The following OSBP2 variants were observed in gnomAD, a reference collection of about 807,000 sequenced individuals.
OSBP2 encodes the protein oxysterol binding protein 2.
Under a neutral mutation model 96.0 loss-of-function variants are expected in OSBP2, and 66 were observed. The ratio of observed to expected loss-of-function variants is 0.69; its 90% CI spans 0.56 to 0.84. The LOEUF (loss-of-function observed/expected upper bound fraction) is 0.84, where lower values mean the gene tolerates loss of function less well. Ranked by LOEUF, OSBP2 falls within the 40% of genes least tolerant of loss-of-function variation. The pLI is 0.00. For missense variants in OSBP2, 1,038 were observed against 1,222.7 expected (o/e 0.85, Z 2.25); for synonymous variants, 525 against 520.9 (o/e 1.01, Z -0.11).
At chr22:30,824,335 G>C (rs1013308486) in intron 2 of OSBP2, among the ~76,000 whole-genome samples, 3 of 152,194 alleles carry the variant, frequency 2.0e-5, no homozygotes, top group African/African-American at 7.2e-5. Flanking sequence ...ACCGGAGGGA[G>C]GAGGCCCAGC....
intron 8 of OSBP2, among the ~76,000 whole-genome samples, chr22:30,892,028 A>C (rs1602427201): frequency 6.6e-6 from 1 of 151,520 alleles, no homozygotes; most frequent in East Asian, 2.0e-4. Flanking sequence ...AGGGCGGTGC[A>C]CCCCGGGTGG....
chr22:30,851,872 A>G (rs985680704), intron 2 of OSBP2, among the ~76,000 whole-genome samples: 3 of 152,068 alleles, frequency 2.0e-5, no homozygotes, highest in Non-Finnish European at 4.4e-5. Flanking sequence ...AGGGTTATTG[A>G]ATTTTCTTAA....
At chr22:30,774,050 G>C (rs11913059) in intron 2 of OSBP2, among the ~76,000 whole-genome samples, 1 of 152,062 alleles carries the variant, frequency 6.6e-6, no homozygotes, top group Non-Finnish European at 1.5e-5. Flanking sequence ...TTCCTCTCCC[G>C]AGTGGAGGAC....
rs559795186 is a variant in OSBP2 at position 30,892,923 on chromosome 22, C to T, written c.1870-199C>T. On this transcript the variant is annotated intron_variant, in intron 8 of 13. Transcript: ENST00000332585. ...GCACTGAGAGGCTCAGGACAGCACC[C>T]GGATGCTTTTCTGCTCAAGGCAGTG... Among the ~76,000 whole-genome samples the T allele has an allele frequency of 1.1e-4, 16 of 152,292 alleles. No homozygotes were observed. The South Asian group carries it at 3.1e-3, about 30-fold the overall frequency.
intron 12 of OSBP2, among the ~76,000 whole-genome samples, chr22:30,905,159 TTTTTTA>T (rs1162037346): frequency 2.0e-5 from 2 of 101,166 alleles, no homozygotes; most frequent in African/African-American, 4.1e-5. Flanking sequence ...TTTTTTTTTT[TTTTTTA>T]GACGGAGCCT....
At position 30,747,132 on chromosome 22, in the gene OSBP2, T is replaced by G. The variant is rs185900740; in HGVS notation, c.853+5763T>G. On this transcript the variant is annotated intron_variant, in intron 2 of 13. Transcript: ENST00000332585. ...ACAAATATTCAACACCCTTTCATGA[T>G]GAACACACTCAGCAAGCTAGGAATA... 2.0e-4 allele frequency among the ~76,000 whole-genome samples: 31 copies of G among 152,292 alleles called. No individual in the cohort carries two copies. In the East Asian group the frequency reaches 5.8e-3, roughly 28 times the overall value.
chr22:30,901,355 C>CA (rs2147187857), intron 12 of OSBP2, among the ~76,000 whole-genome samples: 2 of 152,224 alleles, frequency 1.3e-5, no homozygotes, highest in African/African-American at 4.8e-5. Context: ...AGGCAAAAGC[C>CA]ACCATGCCCA....
At chr22:30,863,248 C>T (rs891629635) in intron 2 of OSBP2, among the ~76,000 whole-genome samples, 6 of 152,176 alleles carry the variant, frequency 3.9e-5, no homozygotes, top group African/African-American at 1.4e-4. Context: ...TGTGATCAGG[C>T]TCAGGCAGCT....
At chr22:30,859,128 C>A (rs562868860) in intron 2 of OSBP2, among the ~76,000 whole-genome samples, 1 of 151,884 alleles carries the variant, frequency 6.6e-6, no homozygotes, top group Non-Finnish European at 1.5e-5. Context: ...TAGAGGCAGC[C>A]GCGTGTGGAA....
chr22:30,696,314 G>A (rs1247731734), intron 1 of OSBP2, among the ~76,000 whole-genome samples: 1 of 152,176 alleles, frequency 6.6e-6, no homozygotes, highest in African/African-American at 2.4e-5. Flanking sequence ...CCTGGGGATG[G>A]TTGGTTTAAG....
intron 2 of OSBP2, among the ~76,000 whole-genome samples, chr22:30,814,844 G>A (rs1485146388): frequency 6.6e-6 from 1 of 152,216 alleles, no homozygotes; most frequent in East Asian, 1.9e-4. Flanking sequence ...ATAGCACCAT[G>A]TCTGGATGAG....
chr22:30,807,351 G>A (rs1196251003), intron 2 of OSBP2, among the ~76,000 whole-genome samples: 1 of 152,162 alleles, frequency 6.6e-6, no homozygotes, highest in African/African-American at 2.4e-5. Flanking sequence ...CCCTGATTGG[G>A]CTCCTCATTA....
At chr22:30,793,969 TG>T (rs2090717900) in intron 2 of OSBP2, among the ~76,000 whole-genome samples, 1 of 152,236 alleles carries the variant, frequency 6.6e-6, no homozygotes, top group Non-Finnish European at 1.5e-5. Context: ...ATCCATACAC[TG>T]GAATATTATT....
chr22:30,855,307 G>T (rs1169783562), intron 2 of OSBP2, among the ~76,000 whole-genome samples: 3 of 152,130 alleles, frequency 2.0e-5, no homozygotes, highest in Non-Finnish European at 2.9e-5. Context: ...ATGCCCTACT[G>T]CCCTGGCCCA....
chr22:30,827,972 A>G (rs1235183668), intron 2 of OSBP2, among the ~76,000 whole-genome samples: 1 of 152,168 alleles, frequency 6.6e-6, no homozygotes, highest in African/African-American at 2.4e-5. Flanking sequence ...CCAGCATTTA[A>G]CCGCGTGTTG....
chr22:30,716,908 G>T (rs1388797519), intron 1 of OSBP2, among the ~76,000 whole-genome samples: 1 of 152,016 alleles, frequency 6.6e-6, no homozygotes, highest in Non-Finnish European at 1.5e-5. Flanking sequence ...AACTTAAGTT[G>T]TGTCCTTCGA....
chr22:30,784,255 TATTA>T (rs1005908912), intron 2 of OSBP2, among the ~76,000 whole-genome samples: 3 of 151,958 alleles, frequency 2.0e-5, no homozygotes, highest in Non-Finnish European at 2.9e-5. Flanking sequence ...TTTATTTATT[TATTA>T]ATTTATTTAT....
At position 30,871,131 on chromosome 22, in the gene OSBP2, T is replaced by TG. The variant is rs1256712241; in HGVS notation, c.1107+455dup. The stretch of plus-strand genomic sequence containing the variant: ...TGTGCACAACAAGGGGAGGGTGTGG[T>TG]GGGGGGCTGCAGTCGAGGGCTCCCT... On this transcript the variant is annotated intron_variant, in intron 3 of 13. Coordinates refer to ENST00000332585, the MANE Select transcript of OSBP2 (RefSeq NM_030758.4). This position sits in a 1 kb window ranked among gnomAD's most constrained non-coding sequence, Gnocchi z 4.7. Among the ~76,000 whole-genome samples the TG allele has an allele frequency of 6.6e-6, 1 of 151,576 alleles. No individual in the cohort carries two copies. The highest frequency in any genetic ancestry group is 2.0e-4 in the East Asian group (1 of 5,128).
chr22:30,846,413 A>G (rs1216064660), intron 2 of OSBP2, among the ~76,000 whole-genome samples: 3 of 152,166 alleles, frequency 2.0e-5, no homozygotes, highest in Non-Finnish European at 4.4e-5. Context: ...GGCCTCCCAA[A>G]GTGCTGGGAT....
Sources: gnomAD v4.1 joint callset for allele counts (sites outside exome capture counted in the v4.1 genomes callset) on GRCh38, gnomAD v4.1.1 for gene constraint, Gnocchi (gnomAD v3.1) non-coding constraint, MANE v1.5 for transcripts, NCBI Gene and HGNC (gene_info 2026-07-23, HGNC 2026-07-21) for gene names.